The following PDE8B variants were observed in gnomAD, a reference collection of about 807,000 sequenced individuals.
PDE8B encodes high affinity cAMP-specific and IBMX-insensitive 3',5'-cyclic phosphodiesterase 8B.
Under a neutral mutation model 101.3 loss-of-function variants are expected in PDE8B, and 26 were observed. That is an observed-to-expected ratio of 0.26 (90% CI 0.19 to 0.36). The LOEUF (loss-of-function observed/expected upper bound fraction) is 0.36, where lower values mean the gene tolerates loss of function less well. Ranked by LOEUF, PDE8B falls within the 10% of genes least tolerant of loss-of-function variation. The pLI is 1.00. For missense variants in PDE8B, 810 were observed against 1,163.1 expected (o/e 0.70, Z 4.42); for synonymous variants, 424 against 429.3 (o/e 0.99, Z 0.15).
chr5:77,182,463 A>G, the PDE8B span, among the ~76,000 whole-genome samples: 1 of 152,266 alleles, frequency 6.6e-6, no homozygotes, highest in East Asian at 1.9e-4. Context: ...ATCCTGGAAG[A>G]CATCCTTTCT....
intron 10 of PDE8B, among the ~76,000 whole-genome samples, chr5:77,386,056 G>C (rs1265497191): frequency 2.0e-5 from 3 of 152,130 alleles, no homozygotes; most frequent in African/African-American, 7.2e-5. Context: ...CAAAGGGCTG[G>C]GATTACAGGC....
chr5:77,351,178 T>C (rs1273517844), intron 9 of PDE8B, 25 bp downstream of exon 9: 4 of 1,552,786 alleles, frequency 2.6e-6, no homozygotes, highest in East Asian at 2.2e-5. Context: ...TTCAACTCTT[T>C]TAGCTGAAGA....
chr5:77,423,778 A>G (rs186294918), intron 20 of PDE8B, among the ~76,000 whole-genome samples: 265 of 151,318 alleles, frequency 1.8e-3, no homozygotes, highest in African/African-American at 5.8e-3. Flanking sequence ...CTGGGACTAC[A>G]GGTGCACACT....
chr5:77,192,830 C>G, the PDE8B span, among the ~76,000 whole-genome samples: 46,591 of 152,054 alleles, frequency 0.31, 7,640 homozygotes, highest in Non-Finnish European at 0.37. Context: ...TGTTCTATAT[C>G]TTGCTAACAC....
chr5:77,315,135 A>G (rs1773528128), intron 2 of PDE8B, among the ~76,000 whole-genome samples: 1 of 152,130 alleles, frequency 6.6e-6, no homozygotes, highest in Non-Finnish European at 1.5e-5. Flanking sequence ...ATTCATTTTC[A>G]TAACTCTGGC....
At position 77,427,153 on chromosome 5, in the gene PDE8B, C is replaced by G. The variant is rs1319351576; in HGVS notation, c.*599C>G. 1.3e-5 allele frequency: 2 copies of G among 155,870 alleles called. No individual in the cohort carries two copies. The highest frequency in any genetic ancestry group is 4.8e-5 in the African/African-American group (2 of 41,448). 9.7% of individuals were successfully genotyped at this position (155,870 alleles called of 1,614,324 possible). A position where few individuals can be genotyped will look rare whatever the true frequency, so the allele number is the denominator to read the frequency against. On this transcript the variant is annotated 3_prime_UTR_variant, in exon 22 of 22. Transcript: ENST00000264917. ...GTTCTTCTGGCCGATGGTATGACAC[C>G]TAAGTTAGAACACAGCCTTGGCTGG...
chr5:77,396,668 T>G (rs1479690844), intron 10 of PDE8B, among the ~76,000 whole-genome samples: 1 of 152,132 alleles, frequency 6.6e-6, no homozygotes, highest in Non-Finnish European at 1.5e-5. Context: ...TCATTTTTCA[T>G]TCATTTTAAA....
At chr5:77,149,381 G>A in the PDE8B span, among the ~76,000 whole-genome samples, 1 of 152,184 alleles carries the variant, frequency 6.6e-6, no homozygotes, top group Non-Finnish European at 1.5e-5. Flanking sequence ...TAGGATGTAT[G>A]TGTGAAGTTT....
chr5:77,314,124 T>C (rs1478981006), intron 2 of PDE8B, among the ~76,000 whole-genome samples: 1 of 152,132 alleles, frequency 6.6e-6, no homozygotes, highest in East Asian at 1.9e-4. Context: ...TATCTAGTTG[T>C]CTTAGCAGCA....
chr5:77,214,453 T>A (rs547313122), intron 1 of PDE8B, among the ~76,000 whole-genome samples: 1 of 152,330 alleles, frequency 6.6e-6, no homozygotes, highest in South Asian at 2.1e-4. Flanking sequence ...TTGTAGGTGC[T>A]AGCGATTCAG....
At chr5:77,361,352 G>A (rs1783057330) in intron 10 of PDE8B, among the ~76,000 whole-genome samples, 1 of 152,098 alleles carries the variant, frequency 6.6e-6, no homozygotes. Context: ...AAACTTAAAT[G>A]TGTATCATGT....
chr5:77,233,758 A>T (rs1754113058), intron 1 of PDE8B, among the ~76,000 whole-genome samples: 1 of 148,818 alleles, frequency 6.7e-6, no homozygotes, highest in South Asian at 2.1e-4. Flanking sequence ...CCATTCCAAA[A>T]TATCTTTTAT....
chr5:77,337,675 A>G (rs560960182), intron 6 of PDE8B, among the ~76,000 whole-genome samples: 13 of 152,328 alleles, frequency 8.5e-5, no homozygotes, highest in Admixed American at 1.3e-4. Flanking sequence ...ATTGTTACGC[A>G]TAGGGGCAAA....
chr5:77,217,456 G>A (rs1750032727), intron 1 of PDE8B, among the ~76,000 whole-genome samples: 1 of 151,972 alleles, frequency 6.6e-6, no homozygotes, highest in Non-Finnish European at 1.5e-5. Flanking sequence ...ATTAAAATGT[G>A]TCCAGGAATT....
chr5:77,278,721 T>C (rs573664852), intron 1 of PDE8B, among the ~76,000 whole-genome samples: 154 of 152,250 alleles, frequency 1.0e-3, no homozygotes, highest in African/African-American at 3.5e-3. Context: ...CCCAAAGTGC[T>C]GGGATTACAG....
At chr5:77,123,503 A>G in the PDE8B span, among the ~76,000 whole-genome samples, 2 of 152,130 alleles carry the variant, frequency 1.3e-5, no homozygotes, top group African/African-American at 4.8e-5. Flanking sequence ...CACACCTGTA[A>G]TCCCAGCACT....
chr5:77,211,048 C>T lies in PDE8B; in HGVS notation c.123C>T (p.Pro41=), dbSNP rs1222617468. 9 of 1,533,382 alleles carry T rather than the reference C, an allele frequency of 5.9e-6. No homozygotes were observed. The highest frequency in any genetic ancestry group is 1.9e-5 in the Admixed American group (1 of 51,822). The allele number at this position is 1,533,382 out of a possible 1,614,324, so 95.0% of individuals were successfully genotyped here. ...CGCAGGGCCCGGCGGCACCCCTGCC[C>T]GGCCTCTTCGTCCAGACCGACGCCG... The part of the protein sequence containing the change: ...SVSQGPAAPL[P]GLFVQTDAAD... Residue 41 remains proline (P), a synonymous_variant, in exon 1 of 22, where the codon CCC becomes CCT. Coordinates refer to ENST00000264917, the MANE Select transcript of PDE8B (RefSeq NM_003719.5). This position sits in a 1 kb window ranked among gnomAD's most constrained non-coding sequence, Gnocchi z 4.1.
chr5:77,160,392 G>A, the PDE8B span, among the ~76,000 whole-genome samples: 1 of 152,140 alleles, frequency 6.6e-6, no homozygotes, highest in African/African-American at 2.4e-5. Flanking sequence ...AAATTTGGCT[G>A]TTAGGTTTCG....
At chr5:77,411,001 G>A (rs1794463445) in intron 14 of PDE8B, 1 of 152,570 alleles carries the variant, frequency 6.6e-6, no homozygotes, top group Non-Finnish European at 1.5e-5. Flanking sequence ...TGGAGGGAAG[G>A]AAACTGAGAT....
Sources: allele counts gnomAD v4.1 joint callset (sites outside exome capture counted in the v4.1 genomes callset), GRCh38; gene constraint gnomAD v4.1.1; non-coding constraint Gnocchi (gnomAD v3.1); transcripts MANE v1.5; gene names NCBI Gene and HGNC (gene_info 2026-07-23, HGNC 2026-07-21).